The following BUB1B variants were observed in gnomAD, a reference collection of about 807,000 sequenced individuals.
BUB1B encodes the protein mitotic checkpoint serine/threonine-protein kinase BUB1 beta.
Under a neutral mutation model 137.7 loss-of-function variants are expected in BUB1B, and 86 were observed. That is an observed-to-expected ratio of 0.62 (90% CI 0.52 to 0.75). The LOEUF is 0.75. Among genes scored for constraint, BUB1B ranks in the 30% least tolerant of loss-of-function variants. BUB1B has a pLI of 0.00. For synonymous variants in BUB1B, 420 were observed against 417.9 expected, an observed-to-expected ratio of 1.00 and a Z score of -0.06; for missense variants, 1,130 against 1,236.9, an observed-to-expected ratio of 0.91 and a Z score of 1.30.
intron 8 of BUB1B, among the ~76,000 whole-genome samples, chr15:40,190,337 G>C (rs1017968829): frequency 1.3e-5 from 2 of 151,900 alleles, no homozygotes; most frequent in African/African-American, 4.8e-5. Flanking sequence ...TGGGCATGGT[G>C]GCTGATGCCT....
At chr15:40,217,265 A>G (rs1423698226) in intron 20 of BUB1B, among the ~76,000 whole-genome samples, 1 of 152,216 alleles carries the variant, frequency 6.6e-6, no homozygotes, top group Non-Finnish European at 1.5e-5. Flanking sequence ...AATGGTGGCC[A>G]TGCACCGTGA....
chr15:40,208,778 A>C lies in BUB1B; in HGVS notation c.2143+8A>C. 1 of 1,606,398 alleles carries C rather than the reference A, an allele frequency of 6.2e-7. No individual in the cohort carries two copies. The highest frequency in any genetic ancestry group is 8.5e-7 in the Non-Finnish European group (1 of 1,173,228). ...TTACTAATGAGACTTCAGGTAGGATATACATACCACTATATCCATGCCTAG... is the reference window on the plus strand; with the variant it reads ...TTACTAATGAGACTTCAGGTAGGATCTACATACCACTATATCCATGCCTAG... On this transcript the variant is annotated splice_region_variant and intron_variant, in intron 16 of 22. Transcript: ENST00000287598.
chr15:40,167,096 A>G (rs1192359317), intron 2 of BUB1B, among the ~76,000 whole-genome samples: 1 of 151,576 alleles, frequency 6.6e-6, no homozygotes, highest in East Asian at 1.9e-4. Flanking sequence ...GGTTCTTTAT[A>G]AAGTCTCTAT....
At chr15:40,162,563 T>C (rs1212873207) in intron 1 of BUB1B, among the ~76,000 whole-genome samples, 1 of 152,118 alleles carries the variant, frequency 6.6e-6, no homozygotes, top group Non-Finnish European at 1.5e-5. Context: ...TGATGATAAG[T>C]GGTTGATTTC....
chr15:40,206,189 AT>A lies in BUB1B; in HGVS notation c.1743del (p.Phe581LeufsTer7), dbSNP rs1373474566. On this transcript the variant is annotated frameshift_variant, in exon 15 of 23. Transcript: ENST00000287598. LOFTEE classifies it high-confidence loss of function. ...EDVSPDVCDEFTGIEPLSEDA... is the reference protein window; with the variant it reads ...EDVSPDVCDEXTGIEPLSEDA... ...TTATATGGTCTTTATTTCAGGATGA[AT>A]TTACAGGAATTGAACCCTTGAGCGA... The A allele has an allele frequency of 1.9e-6, 3 of 1,614,168 alleles. No homozygotes were observed. In the African/African-American group the frequency reaches 4.0e-5, roughly 22 times the overall value.
chr15:40,217,623 C>T lies in BUB1B; in HGVS notation c.2806C>T (p.Leu936=). The change falls in exon 21 of 23, where the codon CTG becomes TTG. Residue 936 remains leucine (L), a synonymous_variant. Transcript: ENST00000287598. ...TLSGFRTVQI[L]EGQKILANCS... is the part of the protein sequence containing the mutation. ...CAGCGGCTTTCGGACTGTACAGATC[C>T]TGGAAGGACAAAAGATCCTGGCTAA... is the stretch of plus-strand genomic sequence containing the variant. 6.2e-7 allele frequency: 1 copy of T among 1,614,206 alleles called. No homozygotes were observed. The highest frequency in any genetic ancestry group is 1.7e-5 in the Admixed American group (1 of 60,022).
intron 20 of BUB1B, 96 bp from the exon 21 acceptor site, chr15:40,217,400 A>G (rs1398693838): frequency 7.6e-7 from 1 of 1,324,502 alleles, no homozygotes; most frequent in Non-Finnish European, 1.1e-6. Context: ...GGCATAGCTA[A>G]GATGTACCCA....
At chr15:40,188,832 T>C (rs1366283291) in intron 8 of BUB1B, among the ~76,000 whole-genome samples, 1 of 151,742 alleles carries the variant, frequency 6.6e-6, no homozygotes, top group Non-Finnish European at 1.5e-5. Context: ...CTGCCCGCCT[T>C]AGCCTCCCAA....
chr15:40,205,849 A>G (rs975359945), intron 14 of BUB1B, among the ~76,000 whole-genome samples: 1 of 152,222 alleles, frequency 6.6e-6, no homozygotes, highest in Non-Finnish European at 1.5e-5. Context: ...TAGAGGAAGA[A>G]GACCTAAAAA....
chr15:40,206,684 G>A (rs1254655471), intron 15 of BUB1B, among the ~76,000 whole-genome samples: 2 of 152,210 alleles, frequency 1.3e-5, no homozygotes, highest in African/African-American at 4.8e-5. Context: ...AAACTAAGTG[G>A]TCCGAGAGGA....
chr15:40,198,360 G>A (rs975190644), intron 9 of BUB1B, among the ~76,000 whole-genome samples: 1 of 151,896 alleles, frequency 6.6e-6, no homozygotes, highest in African/African-American at 2.4e-5. Flanking sequence ...TTATAGGCAT[G>A]AGCCACCATG....
chr15:40,212,450 A>G (rs956499895), intron 18 of BUB1B, 49 bp from the exon 19 acceptor site: 5 of 1,489,142 alleles, frequency 3.4e-6, no homozygotes, highest in African/African-American at 1.4e-5. Flanking sequence ...CCTGCCAGCC[A>G]TAACCATAGA....
intron 20 of BUB1B, among the ~76,000 whole-genome samples, chr15:40,215,165 T>C (rs2037760268): frequency 6.6e-6 from 1 of 151,964 alleles, no homozygotes; most frequent in South Asian, 2.1e-4. Flanking sequence ...CATAGATTCA[T>C]AAGGAATTAA....
In BUB1B at chr15:40,211,368, G is replaced by C. The variant is rs890923569; in HGVS notation, c.2386-1131G>C. Among the ~76,000 whole-genome samples the C allele has an allele frequency of 9.9e-5, 15 of 152,002 alleles. 1 individual carries two copies. Among genetic ancestry groups the C allele is most frequent in the Admixed American group, 6.6e-5 (1 of 15,250 alleles). ...TTAAGTATGGGACATTGAAAGCTCTGTGTATATGGAAAGACCTTGACAGCT... is the reference window on the plus strand; with the variant it reads ...TTAAGTATGGGACATTGAAAGCTCTCTGTATATGGAAAGACCTTGACAGCT... On this transcript the variant is annotated intron_variant, in intron 18 of 22. Transcript: ENST00000287598.
rs769074759 is a variant in BUB1B, at chr15:40,186,430, C to CTTTTT, written c.1058+809_1058+813dup. ...GTCTAATGCTTAACATTGCCTAGTT[C>CTTTTT]TTTTTTTTTTTTTTTTTTTTTTTTT... On this transcript the variant is annotated intron_variant, in intron 8 of 22. Transcript: ENST00000287598. Among the ~76,000 whole-genome samples the CTTTTT allele has an allele frequency of 4.5e-3, 306 of 67,362 alleles. 28 individuals are homozygous for CTTTTT. The highest frequency in any genetic ancestry group is 0.012 in the African/African-American group (208 of 17,090). 44.2% of individuals were successfully genotyped at this position (67,362 alleles called of 152,430 possible). A position where few individuals can be genotyped will look rare whatever the true frequency, so the allele number is the denominator to read the frequency against.
In BUB1B at chr15:40,196,767, A is replaced by G; in HGVS notation, c.1281A>G (p.Gln427=). 6.2e-7 allele frequency: 1 copy of G among 1,613,812 alleles called. No homozygotes were observed. Among genetic ancestry groups the G allele is most frequent in the Non-Finnish European group, 8.5e-7 (1 of 1,179,728 alleles). The change falls in exon 9 of 23, where the codon CAA becomes CAG. Residue 427 remains glutamine (Q), a synonymous_variant. Coordinates refer to ENST00000287598, the MANE Select transcript of BUB1B (RefSeq NM_001211.6). ...TTTTCCGGAAGAAATTAAAAGAGCA[A>G]AGGGAAGGTGTGTGTAATTCAAGTT... ...AEVFRKKLKE[Q]REAELLTSAE...
At chr15:40,201,959 A>G (rs1031265981) in intron 12 of BUB1B, among the ~76,000 whole-genome samples, 3 of 152,238 alleles carry the variant, frequency 2.0e-5, no homozygotes, top group South Asian at 2.1e-4. Flanking sequence ...GTGAGCCACC[A>G]CACCCGGCCA....
chr15:40,219,947 T>C (rs529533660), intron 22 of BUB1B, among the ~76,000 whole-genome samples: 2 of 152,150 alleles, frequency 1.3e-5, no homozygotes, highest in South Asian at 4.1e-4. Context: ...AGGCTTGAAA[T>C]ACAATGTAAG....
intron 12 of BUB1B, among the ~76,000 whole-genome samples, chr15:40,201,697 C>T (rs574228941): frequency 1.3e-5 from 2 of 152,248 alleles, no homozygotes; most frequent in Admixed American, 6.5e-5. Flanking sequence ...GACTGAGTCT[C>T]GCTCTGTCGC....
Sources: gnomAD v4.1 joint callset for allele counts (sites outside exome capture counted in the v4.1 genomes callset) on GRCh38, gnomAD v4.1.1 for gene constraint, MANE v1.5 for transcripts, NCBI Gene and HGNC (gene_info 2026-07-23, HGNC 2026-07-21) for gene names.